Variants in LINGO2 observed in about 807,000 individuals in gnomAD.
LINGO2 encodes the protein leucine-rich repeat and immunoglobulin-like domain-containing nogo receptor-interacting protein 2.
A neutral mutation model predicts 30.6 loss-of-function variants in LINGO2; 14 were observed. The observed-to-expected ratio is 0.46, with a 90% CI of 0.30 to 0.72. The LOEUF is 0.72. LINGO2 is among the 30% of genes least tolerant of loss of function. The probability of loss-of-function intolerance (pLI) is 0.07; values close to 1 mark genes in which losing one functional copy is unlikely to be tolerated. For missense variants in LINGO2, 729 were observed against 751.7 expected, an observed-to-expected ratio of 0.97 and a Z score of 0.35; for synonymous variants, 317 against 288.5, an observed-to-expected ratio of 1.10 and a Z score of -1.00.
intron 1 of LINGO2, among the ~76,000 whole-genome samples, chr9:28,510,093 A>C (rs1820310127): frequency 6.6e-6 from 1 of 152,222 alleles, no homozygotes; most frequent in East Asian, 1.9e-4. Flanking sequence ...AGGGCTTGGA[A>C]ATGTGAAAAA....
At chr9:28,369,918 A>T (rs1251256285) in intron 3 of LINGO2, among the ~76,000 whole-genome samples, 1 of 152,088 alleles carries the variant, frequency 6.6e-6, no homozygotes, top group Non-Finnish European at 1.5e-5. Flanking sequence ...TTTGACTGAC[A>T]TTCTGCATAT....
chr9:28,328,151 G>C (rs112825968), intron 3 of LINGO2, among the ~76,000 whole-genome samples: 88 of 152,244 alleles, frequency 5.8e-4, no homozygotes, highest in Non-Finnish European at 1.1e-3. Context: ...ACTAGGAAAA[G>C]ACCCTATGGC....
At chr9:28,381,198 G>T (rs1299459780) in intron 2 of LINGO2, among the ~76,000 whole-genome samples, 2 of 151,406 alleles carry the variant, frequency 1.3e-5, no homozygotes, top group Non-Finnish European at 2.9e-5. Flanking sequence ...CTTCAGAACA[G>T]AGCAAAAAAA....
intron 4 of LINGO2, among the ~76,000 whole-genome samples, chr9:28,271,982 A>G (rs1245318721): frequency 6.6e-6 from 1 of 152,224 alleles, no homozygotes; most frequent in Non-Finnish European, 1.5e-5. Context: ...CCTCATCGGA[A>G]TCTGTTGTAA....
At chr9:28,497,027 C>A (rs917453087) in intron 1 of LINGO2, among the ~76,000 whole-genome samples, 1 of 152,172 alleles carries the variant, frequency 6.6e-6, no homozygotes, top group African/African-American at 2.4e-5. Flanking sequence ...CCAAGAGATC[C>A]GCAGCTAGTC....
intron 3 of LINGO2, among the ~76,000 whole-genome samples, chr9:28,311,448 T>G (rs10812777): frequency 0.11 from 16,215 of 152,156 alleles, 1,129 homozygotes; most frequent in Middle Eastern, 0.26. Flanking sequence ...TACTGGAGAC[T>G]GGGGCTTATT....
intron 4 of LINGO2, among the ~76,000 whole-genome samples, chr9:28,248,450 A>G (rs954891485): frequency 1.3e-5 from 2 of 152,212 alleles, no homozygotes; most frequent in African/African-American, 2.4e-5. Context: ...AACAGTGGTC[A>G]CCAGTGGTTG....
intron 1 of LINGO2, among the ~76,000 whole-genome samples, chr9:28,486,966 C>G (rs1416304888): frequency 6.6e-6 from 1 of 151,890 alleles, no homozygotes; most frequent in African/African-American, 2.4e-5. Flanking sequence ...CAAGCAGAGA[C>G]AGCGGGAGCA....
At chr9:28,605,155 G>T (rs1044120770) in intron 1 of LINGO2, among the ~76,000 whole-genome samples, 1 of 151,854 alleles carries the variant, frequency 6.6e-6, no homozygotes, top group African/African-American at 2.4e-5. Flanking sequence ...AATGCACAAT[G>T]TTTTTCATTA....
chr9:28,812,745 T>C, the LINGO2 span, among the ~76,000 whole-genome samples: 1 of 152,160 alleles, frequency 6.6e-6, no homozygotes, highest in Non-Finnish European at 1.5e-5. Context: ...CTGTGATTTA[T>C]TTGGTTGAGA....
At chr9:28,777,783 C>T in the LINGO2 span, among the ~76,000 whole-genome samples, 1 of 152,100 alleles carries the variant, frequency 6.6e-6, no homozygotes, top group South Asian at 2.1e-4. Flanking sequence ...CGTGTTAAGT[C>T]CTGGCCATAA....
intron 4 of LINGO2, among the ~76,000 whole-genome samples, chr9:28,211,558 C>G (rs1179455568): frequency 6.6e-6 from 1 of 151,356 alleles, no homozygotes; most frequent in Non-Finnish European, 1.5e-5. Context: ...TACTCTAAGC[C>G]TGAGATACTA....
chr9:28,384,330 T>TATATATATATATATATATAC (rs1491284888), intron 2 of LINGO2, among the ~76,000 whole-genome samples: 2 of 41,050 alleles, frequency 4.9e-5, no homozygotes, highest in African/African-American at 1.1e-4. Flanking sequence ...TGTTATGCAC[T>TATATATATATATATATATAC]ATATATATAT....
intron 4 of LINGO2, among the ~76,000 whole-genome samples, chr9:28,146,850 G>T (rs1223330647): frequency 3.9e-5 from 6 of 152,172 alleles, no homozygotes; most frequent in Non-Finnish European, 7.3e-5. Context: ...TAATGTATTT[G>T]CTTTCTAGAC....
At chr9:28,003,882 T>A (rs904819553) in intron 5 of LINGO2, among the ~76,000 whole-genome samples, 5 of 152,202 alleles carry the variant, frequency 3.3e-5, no homozygotes, top group African/African-American at 9.7e-5. Flanking sequence ...AAACTAGTCA[T>A]CTTGGTTGGG....
chr9:28,534,976 A>G (rs1379064463), intron 1 of LINGO2, among the ~76,000 whole-genome samples: 3 of 152,146 alleles, frequency 2.0e-5, no homozygotes, highest in Non-Finnish European at 4.4e-5. Context: ...ACACTTTTTA[A>G]AAGCATAAAT....
At chr9:28,033,518 G>A (rs1303005901) in intron 4 of LINGO2, among the ~76,000 whole-genome samples, 1 of 152,120 alleles carries the variant, frequency 6.6e-6, no homozygotes, top group African/African-American at 2.4e-5. Context: ...AGAATAAACT[G>A]CCACGGTATA....
At chr9:29,111,097 T>C in the LINGO2 span, among the ~76,000 whole-genome samples, 4 of 152,222 alleles carry the variant, frequency 2.6e-5, no homozygotes, top group Non-Finnish European at 5.9e-5. Flanking sequence ...AGGAACTTTA[T>C]AGATATTGAA....
At chr9:28,237,226 T>G (rs1821606221) in intron 4 of LINGO2, among the ~76,000 whole-genome samples, 1 of 151,860 alleles carries the variant, frequency 6.6e-6, no homozygotes, top group South Asian at 2.1e-4. Flanking sequence ...GATAATGGGT[T>G]ATAGGATAGT....
Sources: gnomAD v4.1 joint callset for allele counts (sites outside exome capture counted in the v4.1 genomes callset) on GRCh38, gnomAD v4.1.1 for gene constraint, MANE v1.5 for transcripts, NCBI Gene and HGNC (gene_info 2026-07-23, HGNC 2026-07-21) for gene names.